Variants in IL1RAPL2 observed in about 807,000 individuals in gnomAD.
The protein encoded by IL1RAPL2 is interleukin 1 receptor accessory protein like 2.
Under a neutral mutation model 44.1 loss-of-function variants are expected in IL1RAPL2, and 3 were observed. That is an observed-to-expected ratio of 0.07 (90% CI 0.03 to 0.18). IL1RAPL2 has a LOEUF of 0.18. IL1RAPL2 is among the 10% of genes least tolerant of loss of function. IL1RAPL2 has a pLI of 1.00. For synonymous variants in IL1RAPL2, 181 were observed against 178.8 expected, an observed-to-expected ratio of 1.01 and a Z score of -0.10; for missense variants, 391 against 496.4, an observed-to-expected ratio of 0.79 and a Z score of 2.02.
chrX:105,145,597 C>T (rs1411433674), intron 2 of IL1RAPL2, among the ~76,000 whole-genome samples: 1 of 111,655 alleles, frequency 9.0e-6, no homozygotes, highest in Non-Finnish European at 1.9e-5. Context: ...CAGATAATCC[C>T]AGCATGGCCA....
chrX:105,355,181 A>G (rs774624116), intron 5 of IL1RAPL2, among the ~76,000 whole-genome samples: 5 of 111,545 alleles, frequency 4.5e-5, no homozygotes, highest in Non-Finnish European at 9.4e-5. Context: ...GGTTTTCCAT[A>G]GCCCTCAGAT....
intron 2 of IL1RAPL2, among the ~76,000 whole-genome samples, chrX:105,045,837 A>G (rs112939501): frequency 0.066 from 7,340 of 111,270 alleles, 662 homozygotes; most frequent in African/African-American, 0.23. Flanking sequence ...TGCTGAGATT[A>G]CAGGTGTGAG....
chrX:105,682,558 A>G (rs894253580), intron 6 of IL1RAPL2, among the ~76,000 whole-genome samples: 7 of 112,189 alleles, frequency 6.2e-5, no homozygotes, highest in Non-Finnish European at 1.3e-4. Context: ...TCTGATAAAT[A>G]AAAATATATA....
intron 2 of IL1RAPL2, among the ~76,000 whole-genome samples, chrX:105,183,245 CG>C (rs1170235289): frequency 9.1e-6 from 1 of 110,380 alleles, no homozygotes; most frequent in Non-Finnish European, 1.9e-5. Context: ...GGGGAGTAGG[CG>C]GGGGGGCAAT....
chrX:104,701,824 T>C (rs1602687649), intron 2 of IL1RAPL2, among the ~76,000 whole-genome samples: 1 of 111,806 alleles, frequency 8.9e-6, no homozygotes, highest in Admixed American at 9.6e-5. Context: ...GGGTGAGTAA[T>C]ATGGGTTTTA....
chrX:104,726,602 T>C (rs1244597200), intron 2 of IL1RAPL2, among the ~76,000 whole-genome samples: 1 of 111,465 alleles, frequency 9.0e-6, no homozygotes, highest in Non-Finnish European at 1.9e-5. Context: ...TTCACATCTC[T>C]TGTAAGTTGT....
chrX:105,325,896 G>A (rs1244253832), intron 5 of IL1RAPL2, among the ~76,000 whole-genome samples: 1 of 110,651 alleles, frequency 9.0e-6, no homozygotes, highest in East Asian at 2.8e-4. Flanking sequence ...GACTGTTCAG[G>A]TCCTTTGACC....
chrX:105,439,468 A>G (rs764954690), intron 5 of IL1RAPL2, among the ~76,000 whole-genome samples: 1 of 102,724 alleles, frequency 9.7e-6, no homozygotes. Flanking sequence ...ATATTGGCTC[A>G]ATCAGAAGTG....
intron 1 of IL1RAPL2, among the ~76,000 whole-genome samples, chrX:104,624,408 A>C (rs1929459411): frequency 9.0e-6 from 1 of 111,641 alleles, no homozygotes; most frequent in Admixed American, 9.6e-5. Flanking sequence ...GATATGAGCA[A>C]AGCTATCTAC....
In IL1RAPL2 at chrX:105,265,121, T is replaced by G. The variant is rs935614931; in HGVS notation, c.544-2267T>G. 1.2e-4 allele frequency among the ~76,000 whole-genome samples: 13 copies of G among 112,207 alleles called. 1 individual carries two copies. Among genetic ancestry groups the G allele is most frequent in the Admixed American group, 7.5e-4 (8 of 10,609 alleles). ...AGAAAATGAAAATTGTTAGAATTAA[T>G]TGCATATGGACTTTCCCTAAAATGA... On this transcript the variant is annotated intron_variant, in intron 4 of 10. Coordinates refer to ENST00000372582, the MANE Select transcript of IL1RAPL2 (RefSeq NM_017416.2).
chrX:105,058,034 C>T (rs1252344345), intron 2 of IL1RAPL2, among the ~76,000 whole-genome samples: 13 of 107,661 alleles, frequency 1.2e-4, no homozygotes, highest in South Asian at 4.2e-4. Flanking sequence ...CTGCAAGCTC[C>T]GCCTCCCGGG....
chrX:104,627,352 A>C (rs1490452295), intron 1 of IL1RAPL2, among the ~76,000 whole-genome samples: 2 of 67,782 alleles, frequency 3.0e-5, no homozygotes, highest in Non-Finnish European at 2.7e-5. Context: ...GGGAGGGGGG[A>C]GGGAAAGCAT....
intron 6 of IL1RAPL2, among the ~76,000 whole-genome samples, chrX:105,572,938 G>T (rs1273228589): frequency 1.8e-5 from 2 of 112,175 alleles, no homozygotes; most frequent in African/African-American, 6.5e-5. Flanking sequence ...TGAAGAAGTG[G>T]TAGAGATGAA....
intron 2 of IL1RAPL2, among the ~76,000 whole-genome samples, chrX:105,063,783 C>A (rs1189948530): frequency 8.9e-6 from 1 of 112,137 alleles, no homozygotes; most frequent in African/African-American, 3.2e-5. Context: ...TGCTTTGGTT[C>A]TTGAAGACTC....
At chrX:105,699,422 A>T (rs2038102540) in intron 6 of IL1RAPL2, among the ~76,000 whole-genome samples, 1 of 111,528 alleles carries the variant, frequency 9.0e-6, no homozygotes, top group South Asian at 3.7e-4. Context: ...AACTTCACAC[A>T]TAAAAATCCT....
intron 2 of IL1RAPL2, among the ~76,000 whole-genome samples, chrX:105,108,170 C>G (rs1398790294): frequency 8.9e-6 from 1 of 111,903 alleles, no homozygotes; most frequent in African/African-American, 3.3e-5. Flanking sequence ...TTGTCAACAT[C>G]TGCATCTGGA....
intron 1 of IL1RAPL2, 127 bp from the exon 2 acceptor site, chrX:104,658,768 A>T: frequency 6.5e-6 from 3 of 461,045 alleles, no homozygotes; most frequent in Non-Finnish European, 7.5e-6. Flanking sequence ...CAAAAAATAA[A>T]GCCAGAAGAC....
At chrX:105,608,783 T>A (rs2037314331) in intron 6 of IL1RAPL2, among the ~76,000 whole-genome samples, 1 of 112,328 alleles carries the variant, frequency 8.9e-6, no homozygotes, top group Admixed American at 9.4e-5. Context: ...CTTTAAGTAA[T>A]TTATTATACT....
intron 5 of IL1RAPL2, among the ~76,000 whole-genome samples, chrX:105,342,873 A>G (rs1353524013): frequency 9.0e-6 from 1 of 111,728 alleles, no homozygotes; most frequent in Non-Finnish European, 1.9e-5. Context: ...GTCTGATACT[A>G]TATGACTTTG....
Sources: allele counts gnomAD v4.1 joint callset (sites outside exome capture counted in the v4.1 genomes callset), GRCh38; gene constraint gnomAD v4.1.1; transcripts MANE v1.5; gene names NCBI Gene and HGNC (gene_info 2026-07-23, HGNC 2026-07-21).